Variants in AP2B1 observed in about 807,000 individuals in gnomAD.
AP2B1 encodes the protein adaptor related protein complex 2 subunit beta 1, also known as AP-2 complex subunit beta.
A neutral mutation model predicts 102.0 loss-of-function variants in AP2B1; 23 were observed. That is an observed-to-expected ratio of 0.23 (90% confidence interval 0.16 to 0.32). AP2B1 has a LOEUF of 0.32. Among genes scored for constraint, AP2B1 ranks in the 10% least tolerant of loss-of-function variants. The pLI, the probability that AP2B1 is intolerant of heterozygous loss-of-function variation, is 1.00. For missense variants in AP2B1, 541 were observed against 1,157.4 expected, an observed-to-expected ratio of 0.47 and a Z score of 7.73; for synonymous variants, 381 against 421.2, an observed-to-expected ratio of 0.90 and a Z score of 1.17.
At chr17:35,674,460 T>C in intron 17 of AP2B1, 139 bp downstream of exon 17, 1 of 1,076,954 alleles carries the variant, frequency 9.3e-7, no homozygotes, top group Non-Finnish European at 1.3e-6. Flanking sequence ...TCCCAGCATT[T>C]GGGAGGCCGA....
chr17:35,703,943 CATG>C (rs2143004777), intron 18 of AP2B1, among the ~76,000 whole-genome samples: 2 of 152,246 alleles, frequency 1.3e-5, no homozygotes, highest in South Asian at 4.1e-4. Flanking sequence ...GCAATCTAGG[CATG>C]ATGTTATAGC....
chr17:35,648,949 A>G (rs1280065098), intron 12 of AP2B1, among the ~76,000 whole-genome samples: 1 of 152,260 alleles, frequency 6.6e-6, no homozygotes, highest in South Asian at 2.1e-4. Context: ...CATGTATACA[A>G]TTATTTAAAA....
chr17:35,696,976 A>G (rs766687743), intron 18 of AP2B1, among the ~76,000 whole-genome samples: 17 of 152,186 alleles, frequency 1.1e-4, no homozygotes, highest in Non-Finnish European at 2.1e-4. Context: ...TCATTTAGGA[A>G]AGTATTAACC....
At chr17:35,695,337 C>G (rs1366835487) in intron 18 of AP2B1, among the ~76,000 whole-genome samples, 4 of 152,112 alleles carry the variant, frequency 2.6e-5, no homozygotes, top group East Asian at 1.9e-4. Context: ...ATAAAACTTT[C>G]AAAATGAGGG....
intron 18 of AP2B1, among the ~76,000 whole-genome samples, chr17:35,691,594 C>G (rs2076042616): frequency 6.6e-6 from 1 of 152,170 alleles, no homozygotes; most frequent in Non-Finnish European, 1.5e-5. Context: ...TTTGTGGGAC[C>G]ACGATGCTCC....
chr17:35,639,322 A>G lies in AP2B1; in HGVS notation c.1272-273A>G, dbSNP rs571105715. Among the ~76,000 whole-genome samples the G allele has an allele frequency of 5.9e-5, 9 of 152,310 alleles. No individual in the cohort carries two copies. In the South Asian group the frequency reaches 1.7e-3, roughly 28 times the overall value. On this transcript the variant is annotated intron_variant, in intron 10 of 21. Transcript: ENST00000610402. ...CACTCTAGCCTGGGTGACAAGAGTG[A>G]GACCCTGTCTCCCTGTCTCAAAAAA...
At chr17:35,600,198 C>T (rs537523887) in intron 3 of AP2B1, among the ~76,000 whole-genome samples, 2 of 152,266 alleles carry the variant, frequency 1.3e-5, no homozygotes, top group South Asian at 4.1e-4. Context: ...TCTCCTGCCT[C>T]AGCCTCCCAA....
At chr17:35,703,678 AGAGGGTG>A (rs1002611870) in intron 18 of AP2B1, among the ~76,000 whole-genome samples, 15 of 152,244 alleles carry the variant, frequency 9.9e-5, no homozygotes, top group Non-Finnish European at 2.2e-4. Context: ...GGGGTCTGCT[AGAGGGTG>A]GAGGGTGGGA....
intron 3 of AP2B1, chr17:35,600,869 TA>T: frequency 2.9e-6 from 1 of 347,210 alleles, no homozygotes; most frequent in Non-Finnish European, 4.1e-6. Context: ...GCTGCTTCCC[TA>T]ACCAGACGGG....
rs544267888 is a variant in AP2B1 at position 35,623,480 on chromosome 17, C to G, written c.526-917C>G. On this transcript the variant is annotated intron_variant, in intron 5 of 21. Transcript: ENST00000610402. ...TTGGGAGACTGAGGTGGGAAAATCC[C>G]TTGAACCCAGTAGATGAAGGTTACA... Among the ~76,000 whole-genome samples, 32 of 152,298 alleles carry G rather than the reference C, an allele frequency of 2.1e-4. 1 individual carries two copies. The South Asian group carries it at 6.6e-3, about 32-fold the overall frequency.
At chr17:35,678,114 G>T (rs1281646957) in intron 17 of AP2B1, among the ~76,000 whole-genome samples, 2 of 152,044 alleles carry the variant, frequency 1.3e-5, no homozygotes, top group Admixed American at 6.6e-5. Context: ...CCTGCCCTTG[G>T]CCTCCCAAAG....
At chr17:35,648,095 T>C (rs1221999787) in intron 12 of AP2B1, among the ~76,000 whole-genome samples, 2 of 152,194 alleles carry the variant, frequency 1.3e-5, no homozygotes, top group East Asian at 3.8e-4. Flanking sequence ...AAACAGGGAC[T>C]TATTGTTGCC....
chr17:35,590,767 A>C (rs1256581761), intron 1 of AP2B1, among the ~76,000 whole-genome samples: 1 of 152,184 alleles, frequency 6.6e-6, no homozygotes, highest in Non-Finnish European at 1.5e-5. Context: ...CTCACAGTGA[A>C]CAGGATAGTA....
intron 5 of AP2B1, among the ~76,000 whole-genome samples, chr17:35,610,084 A>G (rs1003003189): frequency 6.6e-6 from 1 of 152,140 alleles, no homozygotes; most frequent in African/African-American, 2.4e-5. Flanking sequence ...CACCACCAGT[A>G]CTAGAAGATT....
intron 9 of AP2B1, among the ~76,000 whole-genome samples, chr17:35,630,398 C>G (rs2074429217): frequency 6.6e-6 from 1 of 152,082 alleles, no homozygotes; most frequent in Non-Finnish European, 1.5e-5. Flanking sequence ...TTTTTCTTTT[C>G]TTTTTACGTT....
At chr17:35,653,312 T>C (rs2075135317) in intron 13 of AP2B1, among the ~76,000 whole-genome samples, 2 of 152,196 alleles carry the variant, frequency 1.3e-5, no homozygotes, top group Non-Finnish European at 2.9e-5. Flanking sequence ...AGCTAGTAAT[T>C]AATGGAGCCA....
At chr17:35,614,365 A>T (rs1378170054) in intron 5 of AP2B1, among the ~76,000 whole-genome samples, 1 of 151,788 alleles carries the variant, frequency 6.6e-6, no homozygotes, top group African/African-American at 2.4e-5. Flanking sequence ...ATTTTATTTT[A>T]TTTTTTGTAG....
intron 21 of AP2B1, among the ~76,000 whole-genome samples, chr17:35,718,506 C>G (rs782482307): frequency 2.0e-5 from 3 of 152,074 alleles, no homozygotes; most frequent in Admixed American, 6.6e-5. Context: ...TGTCATTTAT[C>G]TTGAGTTTCC....
In AP2B1 at chr17:35,626,856, G is replaced by A. The variant is rs151201529; in HGVS notation, c.938+14G>A. On this transcript the variant is annotated intron_variant, in intron 7 of 21. Coordinates refer to ENST00000610402, the MANE Select transcript of AP2B1 (RefSeq NM_001030006.2). The stretch of plus-strand genomic sequence containing the variant: ...TGTCCAGAAAAGGTTGGGAAATAGC[G>A]AAGTGTTGATTAAAGTGTTTGTAAT... 10,736 of 1,607,886 alleles carry A rather than the reference G, an allele frequency of 6.7e-3. 55 individuals are homozygous for A. The highest frequency in any genetic ancestry group is 0.011 in the Admixed American group (640 of 59,920).
Sources: allele counts gnomAD v4.1 joint callset (sites outside exome capture counted in the v4.1 genomes callset), GRCh38; gene constraint gnomAD v4.1.1; transcripts MANE v1.5; gene names NCBI Gene and HGNC (gene_info 2026-07-23, HGNC 2026-07-21).